The following USP38 variants were observed in gnomAD, a reference collection of about 807,000 sequenced individuals.
USP38 encodes the protein ubiquitin carboxyl-terminal hydrolase 38.
Under a neutral mutation model 94.3 loss-of-function variants are expected in USP38, and 49 were observed. That is an observed-to-expected ratio of 0.52 (90% CI 0.41 to 0.66). The LOEUF is 0.66. Ranked by LOEUF, USP38 falls within the 30% of genes least tolerant of loss-of-function variation. The pLI is 0.00. For synonymous variants in USP38, 468 were observed against 463.6 expected (o/e 1.01, Z -0.12); for missense variants, 1,128 against 1,229.4 (o/e 0.92, Z 1.23).
chr4:143,205,987 A>G, intron 5 of USP38, 46 bp from the exon 6 acceptor site: 1 of 1,362,468 alleles, frequency 7.3e-7, no homozygotes, highest in South Asian at 1.8e-5. Flanking sequence ...AACAAAAATA[A>G]TTTTTACTTT....
At chr4:143,186,933 G>T (rs1731244001) in intron 1 of USP38, among the ~76,000 whole-genome samples, 1 of 152,172 alleles carries the variant, frequency 6.6e-6, no homozygotes, top group Non-Finnish European at 1.5e-5. Context: ...GGACTGTGTG[G>T]CTGTTCAAAT....
In USP38 at chr4:143,214,348, A is replaced by C; in HGVS notation, c.2372A>C (p.Glu791Ala). 6.2e-7 allele frequency: 1 copy of C among 1,613,546 alleles called. No individual in the cohort carries two copies. The highest frequency in any genetic ancestry group is 8.5e-7 in the Non-Finnish European group (1 of 1,179,790). Residue 791 changes from glutamate (E) to alanine (A), a missense_variant, in exon 9 of 10, where the codon GAG becomes GCG. Glu to Ala is a moderately radical substitution (Grantham distance 107, BLOSUM62 -1). Transcript: ENST00000307017. Reference sequence around the variant, plus strand: ...AATGTATCACTGCCACTGGTTTTGGAGTTGCCAGTTAAAAGAATTACTTCT... The same window carrying C: ...AATGTATCACTGCCACTGGTTTTGGCGTTGCCAGTTAAAAGAATTACTTCT... ...LDNVSLPLVL[E>A]LPVKRITSFS...
At chr4:143,188,347 A>G (rs766683037) in intron 2 of USP38, among the ~76,000 whole-genome samples, 2 of 151,854 alleles carry the variant, frequency 1.3e-5, no homozygotes, top group African/African-American at 2.4e-5. Flanking sequence ...ACCAGGCTCA[A>G]TGTGTAATAC....
Position 143,221,411 on chromosome 4 carries a change from G to A in USP38, c.*955G>A, listed in dbSNP as rs927891918. On this transcript the variant is annotated 3_prime_UTR_variant, in exon 10 of 10. Coordinates refer to ENST00000307017, the MANE Select transcript of USP38 (RefSeq NM_032557.6). ...TTTTAACTCTTAGAAGAATTCAGAG[G>A]AAATTAACCCAGCTAAGTAAAAAAT... The A allele has an allele frequency of 6.6e-6, 1 of 152,458 alleles. No homozygotes were observed. The highest frequency in any genetic ancestry group is 2.4e-5 in the African/African-American group (1 of 41,402). 9.4% of individuals were successfully genotyped at this position (152,458 alleles called of 1,614,324 possible). A position where few individuals can be genotyped will look rare whatever the true frequency, so the allele number is the denominator to read the frequency against.
At position 143,222,869 on chromosome 4, in the gene USP38, C is replaced by T. The variant is rs1732358816; in HGVS notation, c.*2413C>T. On this transcript the variant is annotated 3_prime_UTR_variant, in exon 10 of 10. Transcript: ENST00000307017. The stretch of plus-strand genomic sequence containing the variant: ...TAGGTCTTTTCTTTCTCCCATATTC[C>T]TAACCCGTGTACTAGCTCCAACTGT... 6.6e-6 allele frequency: 1 copy of T among 152,062 alleles called. No individual in the cohort carries two copies. Among genetic ancestry groups the T allele is most frequent in the African/African-American group, 2.4e-5 (1 of 41,428 alleles). The allele number at this position is 152,062 out of a possible 1,614,324, so 9.4% of individuals were successfully genotyped here.
In USP38 at chr4:143,220,498, TAC is replaced by T; in HGVS notation, c.*43_*44del. On this transcript the variant is annotated 3_prime_UTR_variant, in exon 10 of 10. Transcript: ENST00000307017. Reference sequence around the variant, plus strand: ...AATGCACTGGTCACGAAACGTCTAATACTATGACTGTTAAAATGTCAGACTAT... The same window carrying T: ...AATGCACTGGTCACGAAACGTCTAATTATGACTGTTAAAATGTCAGACTAT... 6.6e-7 allele frequency: 1 copy of T among 1,503,886 alleles called. No homozygotes were observed. The highest frequency in any genetic ancestry group is 2.2e-5 in the Admixed American group (1 of 45,562). The allele number at this position is 1,503,886 out of a possible 1,614,324, so 93.2% of individuals were successfully genotyped here.
intron 1 of USP38, 43 bp from the exon 2 acceptor site, chr4:143,187,783 A>T (rs1731270964): frequency 1.9e-6 from 3 of 1,564,878 alleles, no homozygotes; most frequent in Non-Finnish European, 2.6e-6. Context: ...AAATACTTGA[A>T]CCTACTTGCC....
chr4:143,195,600 G>T, intron 2 of USP38, 116 bp from the exon 3 acceptor site: 1 of 1,122,868 alleles, frequency 8.9e-7, no homozygotes, highest in Non-Finnish European at 1.2e-6. Context: ...CTTTTCACCA[G>T]CAAATTCAGT....
chr4:143,217,941 G>C (rs563668824), intron 9 of USP38, among the ~76,000 whole-genome samples: 21 of 152,142 alleles, frequency 1.4e-4, no homozygotes, highest in Admixed American at 2.6e-4. Context: ...CTTCAGTCCA[G>C]CTTCCATTAG....
rs6835112 is a variant in USP38, at chr4:143,218,471, A to G, written c.2968-1824A>G. Among the ~76,000 whole-genome samples the G allele has an allele frequency of 4.8e-3, 729 of 152,180 alleles. 8 individuals are homozygous for G. The highest frequency in any genetic ancestry group is 0.017 in the African/African-American group (692 of 41,574). On this transcript the variant is annotated intron_variant, in intron 9 of 9. Transcript: ENST00000307017. ...ATAAAAGACAGTTTTTCCTATTTTT[A>G]TGCATTGTCTAAGCTTATCAGAAAA...
intron 4 of USP38, among the ~76,000 whole-genome samples, chr4:143,199,298 G>A (rs548089160): frequency 1.1e-4 from 16 of 152,234 alleles, no homozygotes; most frequent in African/African-American, 3.9e-4. Flanking sequence ...CTCCATCCGT[G>A]TTCCCGCAGA....
Position 143,195,775 on chromosome 4 carries a change from T to C in USP38, c.878T>C (p.Leu293Pro). The C allele has an allele frequency of 6.2e-7, 1 of 1,613,808 alleles. No individual in the cohort carries two copies. Among genetic ancestry groups the C allele is most frequent in the Non-Finnish European group, 8.5e-7 (1 of 1,179,856 alleles). ...AQHVDTWVIA[L>P]LKGLAAVQKF... ...CATGTGGATACATGGGTAATTGCAC[T>C]CCTGAAAGGACTGGCAGCTGTCCAG... The change falls in exon 3 of 10, where the codon CTC becomes CCC. Residue 293 changes from leucine to proline, a missense_variant. Coordinates refer to ENST00000307017, the MANE Select transcript of USP38 (RefSeq NM_032557.6).
At position 143,187,899 on chromosome 4, in the gene USP38, C is replaced by T. The variant is rs200964740; in HGVS notation, c.756C>T (p.Leu252=). 2.5e-6 allele frequency: 4 copies of T among 1,613,716 alleles called. No individual in the cohort carries two copies. Among genetic ancestry groups the T allele is most frequent in the Non-Finnish European group, 3.4e-6 (4 of 1,179,808 alleles). The stretch of plus-strand genomic sequence containing the variant: ...TTCCTCTTCAGATGATTACAGTTCT[C>T]ATCAGGAGCCTTACTACGGATCCAA... The part of the protein sequence containing the change: ...QHIPLQMITV[L]IRSLTTDPNV... Residue 252 remains leucine, a synonymous_variant, in exon 2 of 10, where the codon CTC becomes CTT. Coordinates refer to ENST00000307017, the MANE Select transcript of USP38 (RefSeq NM_032557.6).
chr4:143,218,872 G>A (rs181970561), intron 9 of USP38, among the ~76,000 whole-genome samples: 2 of 152,152 alleles, frequency 1.3e-5, no homozygotes, highest in East Asian at 1.9e-4. Context: ...TAGTTTAATA[G>A]GTTATAGAGC....
In USP38 at chr4:143,206,079, A is replaced by G. The variant is rs61760233; in HGVS notation, c.1256A>G (p.Gln419Arg). The change falls in exon 6 of 10, where the codon CAA becomes CGA. Residue 419 changes from glutamine (Q) to arginine (R), a missense_variant. Transcript: ENST00000307017. ...GAGAAGATTAAGTTAATTCTCAATCAAAGTGCCTGGACTTCTCAATCCAAT... is the reference window on the plus strand; with the variant it reads ...GAGAAGATTAAGTTAATTCTCAATCGAAGTGCCTGGACTTCTCAATCCAAT... Reference protein sequence around the residue: ...SEEKIKLILNQSAWTSQSNSL... With the variant: ...SEEKIKLILNRSAWTSQSNSL... The G allele has an allele frequency of 7.4e-6, 12 of 1,612,250 alleles. No individual in the cohort carries two copies. Among genetic ancestry groups the G allele is most frequent in the Middle Eastern group, 1.6e-4 (1 of 6,066 alleles).
chr4:143,191,588 G>T (rs1731398000), intron 2 of USP38, among the ~76,000 whole-genome samples: 1 of 152,116 alleles, frequency 6.6e-6, no homozygotes, highest in East Asian at 1.9e-4. Context: ...CATAATTTTT[G>T]CCAGTTTTAC....
rs542115318 is a variant in USP38 at position 143,207,666 on chromosome 4, A to T, written c.1403+1440A>T. Among the ~76,000 whole-genome samples, 41 of 148,106 alleles carry T rather than the reference A, an allele frequency of 2.8e-4. 1 individual carries two copies. Among genetic ancestry groups the T allele is most frequent in the Admixed American group, 2.4e-3 (35 of 14,876 alleles). On this transcript the variant is annotated intron_variant, in intron 6 of 9. Coordinates refer to ENST00000307017, the MANE Select transcript of USP38 (RefSeq NM_032557.6). The stretch of plus-strand genomic sequence containing the variant: ...ATTTTTTGGTTTGTTTGTATTTGGA[A>T]TTTTTTTTTTTTTTAGAGAGCAGCT...
At chr4:143,212,982 C>A (rs560604519) in intron 8 of USP38, among the ~76,000 whole-genome samples, 91 of 152,164 alleles carry the variant, frequency 6.0e-4, no homozygotes, top group African/African-American at 2.0e-3. Flanking sequence ...TCAATAAATA[C>A]AACCCATGTA....
intron 2 of USP38, among the ~76,000 whole-genome samples, chr4:143,193,778 C>A (rs116364421): frequency 0.015 from 2,254 of 152,286 alleles, 65 homozygotes; most frequent in African/African-American, 0.052. Flanking sequence ...TGAAAATAAC[C>A]ATATAAATGA....
Sources: gnomAD v4.1 joint callset for allele counts (sites outside exome capture counted in the v4.1 genomes callset) on GRCh38, gnomAD v4.1.1 for gene constraint, MANE v1.5 for transcripts, NCBI Gene and HGNC (gene_info 2026-07-23, HGNC 2026-07-21) for gene names.